CNTNAP5: variants seen among roughly 807,000 people sequenced by gnomAD.
The protein encoded by CNTNAP5 is contactin-associated protein-like 5.
Under a neutral mutation model 150.2 loss-of-function variants are expected in CNTNAP5, and 72 were observed. That is an observed-to-expected ratio of 0.48 (90% CI 0.40 to 0.58). The LOEUF (loss-of-function observed/expected upper bound fraction) is 0.58. CNTNAP5 is among the 20% of genes least tolerant of loss of function. CNTNAP5 has a pLI of 0.00. For missense variants in CNTNAP5, 1,636 were observed against 1,626.2 expected (o/e 1.01, Z -0.10); for synonymous variants, 672 against 619.8 (o/e 1.08, Z -1.25).
At chr2:124,052,227 T>C (rs1172507431) in intron 1 of CNTNAP5, among the ~76,000 whole-genome samples, 2 of 152,184 alleles carry the variant, frequency 1.3e-5, no homozygotes, top group Non-Finnish European at 2.9e-5. Flanking sequence ...TTAAATTTCA[T>C]CAGATTAAGA....
chr2:124,174,810 C>T (rs1685021884), intron 1 of CNTNAP5, among the ~76,000 whole-genome samples: 1 of 152,198 alleles, frequency 6.6e-6, no homozygotes, highest in African/African-American at 2.4e-5. Flanking sequence ...AAATATCTTT[C>T]ATGAAAGGAA....
At chr2:124,701,648 T>A (rs192519418) in intron 13 of CNTNAP5, among the ~76,000 whole-genome samples, 84 of 152,136 alleles carry the variant, frequency 5.5e-4, no homozygotes, top group Non-Finnish European at 1.1e-3. Flanking sequence ...GGTACAAGAG[T>A]TCCCTTCTAT....
At chr2:124,909,824 G>GATATATATATATATATAT (rs1203121251) in intron 22 of CNTNAP5, among the ~76,000 whole-genome samples, 26 of 29,208 alleles carry the variant, frequency 8.9e-4, no homozygotes, top group African/African-American at 2.5e-3. Context: ...ATCAATTGGT[G>GATATATATATATATATAT]ACATATATAT....
At chr2:124,431,048 T>C (rs1412040095) in intron 4 of CNTNAP5, among the ~76,000 whole-genome samples, 4 of 152,172 alleles carry the variant, frequency 2.6e-5, no homozygotes, top group African/African-American at 9.7e-5. Context: ...AGAAAGTTGC[T>C]TCAACCAACA....
intron 1 of CNTNAP5, among the ~76,000 whole-genome samples, chr2:124,031,184 A>G (rs1681039570): frequency 6.6e-6 from 1 of 152,010 alleles, no homozygotes; most frequent in Non-Finnish European, 1.5e-5. Context: ...TTTCTCAGGC[A>G]TATCAAGTGT....
intron 1 of CNTNAP5, among the ~76,000 whole-genome samples, chr2:124,107,109 C>A (rs13422063): frequency 0.14 from 20,580 of 152,076 alleles, 1,491 homozygotes; most frequent in South Asian, 0.23. Context: ...GAAATGAGAG[C>A]TCAGGGAGAA....
At chr2:124,411,338 A>T (rs938651729) in intron 3 of CNTNAP5, among the ~76,000 whole-genome samples, 13 of 152,164 alleles carry the variant, frequency 8.5e-5, no homozygotes, top group Admixed American at 8.5e-4. Flanking sequence ...AAACTATTCC[A>T]ATCAATAGAA....
At chr2:124,069,318 G>A (rs1682241688) in intron 1 of CNTNAP5, among the ~76,000 whole-genome samples, 1 of 152,154 alleles carries the variant, frequency 6.6e-6, no homozygotes. Context: ...CAGCTTAGCT[G>A]CAGTAGAATA....
At chr2:124,538,569 G>C (rs1028410582) in intron 10 of CNTNAP5, among the ~76,000 whole-genome samples, 1 of 135,930 alleles carries the variant, frequency 7.4e-6, no homozygotes, top group Admixed American at 7.7e-5. Context: ...AGAAAAGAAA[G>C]AAAGAAAGAA....
intron 1 of CNTNAP5, among the ~76,000 whole-genome samples, chr2:124,091,493 C>G (rs1043698832): frequency 1.3e-5 from 2 of 152,112 alleles, no homozygotes; most frequent in Admixed American, 6.6e-5. Flanking sequence ...TAGTTTTTAT[C>G]ACTTTGAACC....
intron 19 of CNTNAP5, among the ~76,000 whole-genome samples, chr2:124,864,440 A>G (rs1280738692): frequency 1.3e-5 from 2 of 151,946 alleles, no homozygotes; most frequent in Non-Finnish European, 2.9e-5. Flanking sequence ...GTGCTATAGA[A>G]CACTAGAACT....
chr2:124,284,233 T>C lies in CNTNAP5; in HGVS notation c.381+41840T>C, dbSNP rs1688089616. On this transcript the variant is annotated intron_variant, in intron 3 of 23. Transcript: ENST00000682447. ...AACAATGTATAAGTTTTGTTAATAGTTCCAAAAGGAGGAATGGTGGTTTTT... is the reference window on the plus strand; with the variant it reads ...AACAATGTATAAGTTTTGTTAATAGCTCCAAAAGGAGGAATGGTGGTTTTT... Among the ~76,000 whole-genome samples, 2 of 152,160 alleles carry C rather than the reference T, an allele frequency of 1.3e-5. 1 individual carries two copies. The highest frequency in any genetic ancestry group is 4.1e-4 in the South Asian group (2 of 4,824).
chr2:124,183,522 C>T (rs1294589699), intron 1 of CNTNAP5, among the ~76,000 whole-genome samples: 2 of 152,148 alleles, frequency 1.3e-5, no homozygotes, highest in Non-Finnish European at 2.9e-5. Context: ...TTATATTGCA[C>T]AAGGTTGAAT....
chr2:124,106,079 C>T (rs1036356856), intron 1 of CNTNAP5, among the ~76,000 whole-genome samples: 3 of 149,286 alleles, frequency 2.0e-5, no homozygotes, highest in East Asian at 2.0e-4. Flanking sequence ...CCAGATACTG[C>T]TTTTTTTTTT....
At chr2:124,536,931 C>T (rs1244250283) in intron 10 of CNTNAP5, among the ~76,000 whole-genome samples, 3 of 151,882 alleles carry the variant, frequency 2.0e-5, no homozygotes, top group Non-Finnish European at 4.4e-5. Context: ...TGCCAGTGCA[C>T]AAAACAGTTT....
At chr2:124,065,733 G>A (rs976540923) in intron 1 of CNTNAP5, among the ~76,000 whole-genome samples, 11 of 152,164 alleles carry the variant, frequency 7.2e-5, no homozygotes, top group Non-Finnish European at 1.3e-4. Context: ...GAATTCAAGT[G>A]CTGAGCAATG....
At chr2:124,913,607 C>T (rs1306132113) in intron 23 of CNTNAP5, among the ~76,000 whole-genome samples, 1 of 152,014 alleles carries the variant, frequency 6.6e-6, no homozygotes. Flanking sequence ...TTTAGCAAAA[C>T]AAACGTAACA....
chr2:124,773,835 G>A (rs949727583), intron 17 of CNTNAP5, among the ~76,000 whole-genome samples: 1 of 151,478 alleles, frequency 6.6e-6, no homozygotes, highest in African/African-American at 2.4e-5. Flanking sequence ...CAGTGCCTGA[G>A]CCTTAACTAC....
At position 124,726,633 on chromosome 2, in the gene CNTNAP5, G is replaced by A. The variant is rs867696469; in HGVS notation, c.2078-20596G>A. 6.1e-5 allele frequency among the ~76,000 whole-genome samples: 9 copies of A among 146,866 alleles called. No individual in the cohort carries two copies. The East Asian group carries it at 7.9e-4, about 13-fold the overall frequency. On this transcript the variant is annotated intron_variant, in intron 13 of 23. Coordinates refer to ENST00000682447, the MANE Select transcript of CNTNAP5 (RefSeq NM_001367498.1). ...TCATATACTTGTTAGCCATTTGTAC[G>A]TCTTCTTCAAAAAAAAGTCTATTCA...
Sources: allele counts gnomAD v4.1 joint callset (sites outside exome capture counted in the v4.1 genomes callset), GRCh38; gene constraint gnomAD v4.1.1; transcripts MANE v1.5; gene names NCBI Gene and HGNC (gene_info 2026-07-23, HGNC 2026-07-21).